TTC28: variants seen among roughly 807,000 people sequenced by gnomAD.
The protein encoded by TTC28 is tetratricopeptide repeat domain 28.
In TTC28, 61 loss-of-function variants were observed where a neutral mutation model predicts 198.0. The observed-to-expected ratio is 0.31, with a 90% CI of 0.25 to 0.38. The LOEUF (loss-of-function observed/expected upper bound fraction) is 0.38, where lower values mean the gene tolerates loss of function less well. TTC28 is among the 10% of genes least tolerant of loss of function. The probability of loss-of-function intolerance (pLI) is 1.00; values close to 1 mark genes in which losing one functional copy is unlikely to be tolerated. For synonymous variants in TTC28, 1,171 were observed against 1,297.8 expected, an observed-to-expected ratio of 0.90 and a Z score of 2.10; for missense variants, 2,678 against 3,164.0, an observed-to-expected ratio of 0.85 and a Z score of 3.69.
intron 2 of TTC28, among the ~76,000 whole-genome samples, chr22:28,441,629 A>G (rs1324368032): frequency 6.6e-6 from 1 of 152,198 alleles, no homozygotes; most frequent in Non-Finnish European, 1.5e-5. Flanking sequence ...GGTTTGTTAG[A>G]TTCTCTAGCA....
intron 6 of TTC28, among the ~76,000 whole-genome samples, chr22:28,133,731 G>T (rs953807105): frequency 2.6e-5 from 4 of 152,210 alleles, no homozygotes; most frequent in African/African-American, 9.6e-5. Context: ...ACTGGGTGGA[G>T]CCCACCATAG....
At chr22:28,325,617 A>G (rs1290298585) in intron 2 of TTC28, among the ~76,000 whole-genome samples, 1 of 152,168 alleles carries the variant, frequency 6.6e-6, no homozygotes, top group Non-Finnish European at 1.5e-5. Context: ...TATCCTTTAT[A>G]TACAAAGAAT....
At chr22:28,110,253 A>G (rs1324345379) in intron 6 of TTC28, among the ~76,000 whole-genome samples, 2 of 151,910 alleles carry the variant, frequency 1.3e-5, no homozygotes, top group African/African-American at 4.8e-5. Flanking sequence ...AGTCACATCT[A>G]CTCCTGGGAC....
chr22:28,136,774 C>T (rs1302155952), intron 6 of TTC28, among the ~76,000 whole-genome samples: 8 of 152,192 alleles, frequency 5.3e-5, no homozygotes, highest in Non-Finnish European at 1.5e-5. Flanking sequence ...ATACAAGGCT[C>T]TGTTCTGTAT....
In TTC28 at chr22:27,980,380, T is replaced by C. The variant is rs1390432529; in HGVS notation, c.*1841A>G. 6.6e-6 allele frequency: 1 copy of C among 152,260 alleles called. No homozygotes were observed. The highest frequency in any genetic ancestry group is 2.4e-5 in the African/African-American group (1 of 41,474). The allele number at this position is 152,260 out of a possible 1,614,324, so 9.4% of individuals were successfully genotyped here. A position where few individuals can be genotyped will look rare whatever the true frequency, so the allele number is the denominator to read the frequency against. ...TTCAGTGTTGGGATCAGGGCTAGAA[T>C]AAGACATGCTTATTGTTGGCTTTTG... On this transcript the variant is annotated 3_prime_UTR_variant, in exon 23 of 23. Coordinates refer to ENST00000397906, the MANE Select transcript of TTC28 (RefSeq NM_001145418.2).
intron 2 of TTC28, among the ~76,000 whole-genome samples, chr22:28,475,291 A>G (rs1015009908): frequency 6.6e-6 from 1 of 152,158 alleles, no homozygotes; most frequent in Non-Finnish European, 1.5e-5. Flanking sequence ...GTCACAAGGC[A>G]GGAAACCACC....
chr22:28,445,071 C>T (rs1239530961), intron 2 of TTC28, among the ~76,000 whole-genome samples: 1 of 152,164 alleles, frequency 6.6e-6, no homozygotes, highest in Admixed American at 6.5e-5. Context: ...TCTACAACAC[C>T]ATTATTATTC....
chr22:28,188,292 A>G (rs1435377636), intron 5 of TTC28, among the ~76,000 whole-genome samples: 2 of 152,202 alleles, frequency 1.3e-5, no homozygotes, highest in African/African-American at 2.4e-5. Flanking sequence ...ATTTTGGAAG[A>G]TGGAAAACAG....
intron 2 of TTC28, among the ~76,000 whole-genome samples, chr22:28,580,175 T>C (rs2050215254): frequency 6.6e-6 from 1 of 152,148 alleles, no homozygotes; most frequent in Admixed American, 6.6e-5. Flanking sequence ...CTCTGTCAAA[T>C]AACAGGTGAT....
chr22:28,187,622 A>G (rs1924322459), intron 5 of TTC28, among the ~76,000 whole-genome samples: 1 of 152,172 alleles, frequency 6.6e-6, no homozygotes, highest in Non-Finnish European at 1.5e-5. Flanking sequence ...TCTCTCTAAC[A>G]AGATAAATAG....
intron 5 of TTC28, among the ~76,000 whole-genome samples, chr22:28,278,249 G>C (rs2044510553): frequency 6.6e-6 from 1 of 152,062 alleles, no homozygotes; most frequent in South Asian, 2.1e-4. Context: ...CCTGCTCTGG[G>C]TTTTTATGGG....
chr22:28,422,647 G>A (rs1244740122), intron 2 of TTC28, among the ~76,000 whole-genome samples: 3 of 151,646 alleles, frequency 2.0e-5, no homozygotes, highest in Admixed American at 6.6e-5. Context: ...GGGTTTCACC[G>A]TGTTAGCCAA....
chr22:28,111,732 T>TC (rs753299513), intron 6 of TTC28, among the ~76,000 whole-genome samples: 2 of 152,132 alleles, frequency 1.3e-5, no homozygotes, highest in South Asian at 2.1e-4. Context: ...GATTTTTTTT[T>TC]CCCTCACAGC....
chr22:28,482,562 T>A (rs2048266277), intron 2 of TTC28, among the ~76,000 whole-genome samples: 1 of 152,116 alleles, frequency 6.6e-6, no homozygotes, highest in Non-Finnish European at 1.5e-5. Context: ...TAAAAAATAA[T>A]TTATTGAAGT....
intron 2 of TTC28, among the ~76,000 whole-genome samples, chr22:28,556,618 T>A (rs2049790780): frequency 6.6e-6 from 1 of 152,210 alleles, no homozygotes; most frequent in Admixed American, 6.5e-5. Flanking sequence ...TGAGAAGTTA[T>A]CCCCAAAACA....
intron 2 of TTC28, among the ~76,000 whole-genome samples, chr22:28,594,565 A>C (rs1184808153): frequency 6.7e-6 from 1 of 148,238 alleles, no homozygotes; most frequent in Non-Finnish European, 1.5e-5. Context: ...AGTAACATTC[A>C]ATTTATAAAA....
At chr22:28,455,373 T>C (rs944613794) in intron 2 of TTC28, among the ~76,000 whole-genome samples, 2 of 152,212 alleles carry the variant, frequency 1.3e-5, no homozygotes, top group Non-Finnish European at 2.9e-5. Context: ...CTTATTAACA[T>C]TTCTCCTAAG....
At chr22:28,346,563 G>T (rs2045905170) in intron 2 of TTC28, among the ~76,000 whole-genome samples, 2 of 152,204 alleles carry the variant, frequency 1.3e-5, no homozygotes, top group Admixed American at 6.5e-5. Context: ...GTCACCACCT[G>T]TTAGGGCAAG....
At chr22:28,253,781 A>G (rs1252264575) in intron 5 of TTC28, among the ~76,000 whole-genome samples, 1 of 152,170 alleles carries the variant, frequency 6.6e-6, no homozygotes, top group Non-Finnish European at 1.5e-5. Flanking sequence ...CTGAGTGACC[A>G]GGTAAATGAT....
Sources: gnomAD v4.1 joint callset for allele counts (sites outside exome capture counted in the v4.1 genomes callset) on GRCh38, gnomAD v4.1.1 for gene constraint, MANE v1.5 for transcripts, NCBI Gene and HGNC (gene_info 2026-07-23, HGNC 2026-07-21) for gene names.